The following CDH7 variants were observed in gnomAD, a reference collection of about 807,000 sequenced individuals.
CDH7 encodes the protein cadherin 7, also known as cadherin-7.
Under a neutral mutation model 71.8 loss-of-function variants are expected in CDH7, and 25 were observed. That is an observed-to-expected ratio of 0.35 (90% CI 0.25 to 0.49). The LOEUF is 0.49. Ranked by LOEUF, CDH7 falls within the 20% of genes least tolerant of loss-of-function variation. The pLI, the probability that CDH7 is intolerant of heterozygous loss-of-function variation, is 0.99. For missense variants in CDH7, 862 were observed against 974.6 expected, an observed-to-expected ratio of 0.88 and a Z score of 1.54; for synonymous variants, 381 against 363.8, an observed-to-expected ratio of 1.05 and a Z score of -0.54.
intron 9 of CDH7, 98 bp downstream of exon 9, chr18:65,859,144 A>G (rs1217636180): frequency 5.1e-6 from 6 of 1,173,186 alleles, no homozygotes; most frequent in Non-Finnish European, 7.5e-6. Context: ...AAGATAAAAT[A>G]TAATCAGCTT....
At chr18:65,843,428 G>A (rs148145139) in intron 6 of CDH7, among the ~76,000 whole-genome samples, 40 of 152,156 alleles carry the variant, frequency 2.6e-4, no homozygotes, top group African/African-American at 7.9e-4. Context: ...AGAAAGTAAT[G>A]CTTTTCTTAA....
intron 1 of CDH7, among the ~76,000 whole-genome samples, chr18:65,756,071 C>T (rs1266898137): frequency 4.6e-5 from 7 of 152,124 alleles, no homozygotes; most frequent in African/African-American, 1.7e-4. Context: ...TCATAGTTCC[C>T]TTGCTGTGGA....
At chr18:65,846,301 T>G (rs7232895) in intron 7 of CDH7, among the ~76,000 whole-genome samples, 9,903 of 151,990 alleles carry the variant, frequency 0.065, 449 homozygotes, top group South Asian at 0.14. Flanking sequence ...AGTGAAAGAG[T>G]ACCCACCCAG....
In CDH7 at chr18:65,785,324, C is replaced by T. The variant is rs1283667245; in HGVS notation, c.210+22272C>T. Reference sequence around the variant, plus strand: ...TGTAGAGATAGCATGAAAATGGTATCATTTTATTAGAATATGATGACAGTG... The same window carrying T: ...TGTAGAGATAGCATGAAAATGGTATTATTTTATTAGAATATGATGACAGTG... On this transcript the variant is annotated intron_variant, in intron 2 of 11. Coordinates refer to ENST00000397968, the MANE Select transcript of CDH7 (RefSeq NM_004361.5). Among the ~76,000 whole-genome samples the T allele has an allele frequency of 5.3e-5, 8 of 151,922 alleles. No homozygotes were observed. The East Asian group carries it at 1.2e-3, about 22-fold the overall frequency.
At chr18:65,784,113 A>ATTTT (rs72393865) in intron 2 of CDH7, among the ~76,000 whole-genome samples, 1,454 of 106,720 alleles carry the variant, frequency 0.014, 50 homozygotes, top group African/African-American at 0.047. Context: ...ACCCACAGCT[A>ATTTT]TTTTTTTTTT....
At chr18:65,774,390 A>T (rs190162611) in intron 2 of CDH7, among the ~76,000 whole-genome samples, 1 of 152,150 alleles carries the variant, frequency 6.6e-6, no homozygotes, top group Admixed American at 6.6e-5. Context: ...TGAGAAACCC[A>T]ATATCTCTTC....
At chr18:65,780,734 A>T (rs1382832509) in intron 2 of CDH7, among the ~76,000 whole-genome samples, 1 of 151,584 alleles carries the variant, frequency 6.6e-6, no homozygotes, top group Non-Finnish European at 1.5e-5. Context: ...GAAGTCAGGT[A>T]GTGTGATGCC....
At chr18:65,793,438 G>A (rs1017046641) in intron 2 of CDH7, among the ~76,000 whole-genome samples, 1 of 151,050 alleles carries the variant, frequency 6.6e-6, no homozygotes, top group African/African-American at 2.4e-5. Context: ...AAAAAAGAGA[G>A]GGAGAGAGAG....
rs545237373 is a variant in CDH7 at position 65,766,737 on chromosome 18, T to C, written c.210+3685T>C. On this transcript the variant is annotated intron_variant, in intron 2 of 11. Coordinates refer to ENST00000397968, the MANE Select transcript of CDH7 (RefSeq NM_004361.5). ...GGGGAGGATCCTTTCTTTTCTCCTT[T>C]TCACTTTATATCACCCCTCCCGTGG... Among the ~76,000 whole-genome samples the C allele has an allele frequency of 2.5e-3, 381 of 151,984 alleles. 1 individual carries two copies. The highest frequency in any genetic ancestry group is 3.4e-3 in the Middle Eastern group (1 of 294).
At position 65,889,249 on chromosome 18, in the gene CDH7, A is replaced by G. The variant is rs964155054; in HGVS notation, c.*8355A>G. ...CAAGGGTAGGAGAAAAATCCCAACA[A>G]CCCTTCCACCTTTTCCAAAAAGAAA... On this transcript the variant is annotated 3_prime_UTR_variant, in exon 12 of 12. Coordinates refer to ENST00000397968, the MANE Select transcript of CDH7 (RefSeq NM_004361.5). 6.6e-6 allele frequency: 1 copy of G among 152,008 alleles called. No individual in the cohort carries two copies. The highest frequency in any genetic ancestry group is 2.4e-5 in the African/African-American group (1 of 41,390). The allele number at this position is 152,008 out of a possible 1,614,324, so 9.4% of individuals were successfully genotyped here. A position where few individuals can be genotyped will look rare whatever the true frequency, so the allele number is the denominator to read the frequency against.
At chr18:65,773,590 C>G (rs1031654353) in intron 2 of CDH7, among the ~76,000 whole-genome samples, 1 of 152,066 alleles carries the variant, frequency 6.6e-6, no homozygotes, top group Non-Finnish European at 1.5e-5. Context: ...AAGCAAACAG[C>G]CTATTTCCTC....
intron 1 of CDH7, among the ~76,000 whole-genome samples, chr18:65,756,896 A>G (rs1198982751): frequency 6.6e-6 from 1 of 152,252 alleles, no homozygotes; most frequent in East Asian, 1.9e-4. Flanking sequence ...GCCATGTTTT[A>G]AAAACTACTC....
intron 2 of CDH7, among the ~76,000 whole-genome samples, chr18:65,806,212 C>T (rs1911314093): frequency 6.6e-6 from 1 of 151,768 alleles, no homozygotes; most frequent in Admixed American, 6.6e-5. Context: ...ATTGCACCTC[C>T]TCCTCAGCTT....
At chr18:65,764,545 C>T (rs542385486) in intron 2 of CDH7, among the ~76,000 whole-genome samples, 251 of 151,946 alleles carry the variant, frequency 1.7e-3, no homozygotes, top group African/African-American at 5.8e-3. Flanking sequence ...GAGGAGTAAC[C>T]GTAATGATTA....
chr18:65,814,378 T>C, intron 3 of CDH7, 107 bp from the exon 4 acceptor site: 2 of 1,291,466 alleles, frequency 1.5e-6, no homozygotes, highest in South Asian at 2.4e-5. Context: ...AAAAGATAAA[T>C]GAAAATTTTC....
chr18:65,777,986 G>C (rs1048623450), intron 2 of CDH7, among the ~76,000 whole-genome samples: 42 of 152,182 alleles, frequency 2.8e-4, no homozygotes, highest in African/African-American at 9.6e-4. Context: ...TTTAGAACTA[G>C]TGCCAGCCGG....
intron 4 of CDH7, among the ~76,000 whole-genome samples, chr18:65,816,638 C>G (rs1911734098): frequency 2.0e-5 from 3 of 152,138 alleles, no homozygotes. Flanking sequence ...TGACTAAAAT[C>G]TCAGAGCACA....
chr18:65,775,116 T>A (rs1258919425), intron 2 of CDH7, among the ~76,000 whole-genome samples: 1 of 152,200 alleles, frequency 6.6e-6, no homozygotes, highest in Admixed American at 6.5e-5. Flanking sequence ...GAATTAGAAG[T>A]TATACAGCAA....
intron 2 of CDH7, among the ~76,000 whole-genome samples, chr18:65,781,133 A>C (rs77558659): frequency 3.3e-5 from 5 of 152,068 alleles, no homozygotes; most frequent in Non-Finnish European, 5.9e-5. Context: ...TCAGTGTTTT[A>C]GGAGAAACAT....
Sources: allele counts gnomAD v4.1 joint callset (sites outside exome capture counted in the v4.1 genomes callset), GRCh38; gene constraint gnomAD v4.1.1; transcripts MANE v1.5; gene names NCBI Gene and HGNC (gene_info 2026-07-23, HGNC 2026-07-21).